Variants in MPP7 observed in about 807,000 individuals in gnomAD.
MPP7 encodes the protein MAGUK p55 scaffold protein 7, also known as MAGUK p55 subfamily member 7.
In MPP7, 60 loss-of-function variants were observed where a neutral mutation model predicts 76.5. That is an observed-to-expected ratio of 0.78 (90% CI 0.64 to 0.97). The LOEUF (loss-of-function observed/expected upper bound fraction) is 0.97, where lower values mean the gene tolerates loss of function less well. Ranked by LOEUF, MPP7 falls within the 50% of genes least tolerant of loss-of-function variation. MPP7 has a pLI of 0.00. For missense variants in MPP7, 641 were observed against 694.0 expected (o/e 0.92, Z 0.86); for synonymous variants, 237 against 244.5 (o/e 0.97, Z 0.29).
chr10:28,276,676 G>A (rs558130703), intron 1 of MPP7, among the ~76,000 whole-genome samples: 6 of 152,214 alleles, frequency 3.9e-5, no homozygotes, highest in Admixed American at 2.6e-4. Flanking sequence ...TCATGCACAC[G>A]TAGGTTTGAT....
At chr10:28,109,816 A>G (rs1016967883) in intron 11 of MPP7, among the ~76,000 whole-genome samples, 2 of 143,622 alleles carry the variant, frequency 1.4e-5, no homozygotes, top group Non-Finnish European at 3.1e-5. Flanking sequence ...CCAAGAAATA[A>G]AGCAGAACAG....
At chr10:28,058,873 CCT>C (rs1270161252) in intron 14 of MPP7, among the ~76,000 whole-genome samples, 1 of 152,130 alleles carries the variant, frequency 6.6e-6, no homozygotes, top group African/African-American at 2.4e-5. Flanking sequence ...TCCATCACCC[CCT>C]TTTTCTTCAG....
intron 1 of MPP7, among the ~76,000 whole-genome samples, chr10:28,282,569 C>A (rs1840702823): frequency 6.6e-6 from 1 of 151,946 alleles, no homozygotes; most frequent in South Asian, 2.1e-4. Flanking sequence ...GAAACCAAGA[C>A]AATGGGCAAA....
intron 5 of MPP7, among the ~76,000 whole-genome samples, chr10:28,136,992 G>A (rs1416275359): frequency 6.6e-6 from 1 of 152,036 alleles, no homozygotes; most frequent in African/African-American, 2.4e-5. Flanking sequence ...AAACCCACAT[G>A]TTCAAGAAGC....
chr10:28,140,251 C>A (rs1194572665), intron 5 of MPP7, among the ~76,000 whole-genome samples: 2 of 152,214 alleles, frequency 1.3e-5, no homozygotes, highest in East Asian at 3.9e-4. Context: ...TGGCTACCGC[C>A]TATAATCCTA....
At chr10:28,084,253 G>A (rs1852900490) in intron 12 of MPP7, among the ~76,000 whole-genome samples, 1 of 152,128 alleles carries the variant, frequency 6.6e-6, no homozygotes, top group Non-Finnish European at 1.5e-5. Context: ...AAGAAAAGTA[G>A]AAAATCAAAA....
chr10:28,330,182 C>A (rs557516684), intron 1 of MPP7, among the ~76,000 whole-genome samples: 4 of 152,284 alleles, frequency 2.6e-5, no homozygotes, highest in Admixed American at 2.6e-4. Context: ...TTCCTTTCAA[C>A]GACAACTATA....
intron 11 of MPP7, among the ~76,000 whole-genome samples, chr10:28,114,101 G>T (rs979963295): frequency 1.3e-5 from 2 of 152,152 alleles, no homozygotes; most frequent in African/African-American, 4.8e-5. Context: ...CAAAGGGGAG[G>T]CCAAGAAGAT....
exon 1 of MPP7, chr10:28,334,440 C>A (rs771556483): frequency 1.3e-5 from 2 of 152,128 alleles, no homozygotes; most frequent in Non-Finnish European, 2.9e-5. Flanking sequence ...CAATTGCATC[C>A]AGGATGAGAT....
intron 12 of MPP7, among the ~76,000 whole-genome samples, chr10:28,071,589 C>T (rs543433827): frequency 2.2e-4 from 34 of 152,162 alleles, no homozygotes; most frequent in African/African-American, 8.2e-4. Flanking sequence ...TATAACTTAT[C>T]GACATAATTC....
Position 28,125,201 on chromosome 10 carries a change from G to A in MPP7, c.448-110C>T, listed in dbSNP as rs7068102. On this transcript the variant is annotated intron_variant, in intron 6 of 16. Coordinates refer to ENST00000683449, the MANE Select transcript of MPP7 (RefSeq NM_001318170.2). ...AAAAAGAGAAAACAACTACAAAAACGAAAAAAAAGAAATGAGGCAGGAAAA... is the reference window on the plus strand; with the variant it reads ...AAAAAGAGAAAACAACTACAAAAACAAAAAAAAAGAAATGAGGCAGGAAAA... 7,425 of 845,030 alleles carry A rather than the reference G, an allele frequency of 8.8e-3. 340 individuals are homozygous for A. The African/African-American group carries it at 0.1, about 12-fold the overall frequency. 52.3% of individuals were successfully genotyped at this position (845,030 alleles called of 1,614,324 possible).
At chr10:28,098,441 G>T (rs1243121147) in intron 11 of MPP7, among the ~76,000 whole-genome samples, 1 of 151,784 alleles carries the variant, frequency 6.6e-6, no homozygotes, top group Non-Finnish European at 1.5e-5. Flanking sequence ...CAATGGTTGT[G>T]TTAGGTAGAG....
Position 28,119,735 on chromosome 10 carries a change from C to A in MPP7, c.888-20G>T. 1 of 1,604,266 alleles carries A rather than the reference C, an allele frequency of 6.2e-7. No individual in the cohort carries two copies. ...AATCTCCTGGGAGAAAGAAGGTCAA[C>A]ATACCTATCAATTTTCAGCACAGGT... On this transcript the variant is annotated intron_variant, in intron 10 of 16. Transcript: ENST00000683449.
chr10:28,101,860 A>G (rs552298313), intron 11 of MPP7, among the ~76,000 whole-genome samples: 1 of 152,318 alleles, frequency 6.6e-6, no homozygotes, highest in South Asian at 2.1e-4. Context: ...AGAAGCAATT[A>G]TACTTTGGAA....
At chr10:28,109,648 C>A (rs1254980425) in intron 11 of MPP7, among the ~76,000 whole-genome samples, 1 of 151,638 alleles carries the variant, frequency 6.6e-6, no homozygotes, top group African/African-American at 2.4e-5. Flanking sequence ...AGTGCAAATG[C>A]GCTCATTTCA....
intron 3 of MPP7, among the ~76,000 whole-genome samples, chr10:28,168,160 A>G (rs2133855132): frequency 6.6e-6 from 1 of 152,160 alleles, no homozygotes; most frequent in East Asian, 1.9e-4. Context: ...GCTTGAACTC[A>G]GTAGGCGGAG....
intron 1 of MPP7, among the ~76,000 whole-genome samples, chr10:28,264,193 G>C (rs1199577886): frequency 1.3e-5 from 2 of 152,060 alleles, no homozygotes. Context: ...CAGCTACTTG[G>C]GAGGCTGAGG....
chr10:28,219,004 T>C (rs1007785741), intron 2 of MPP7, among the ~76,000 whole-genome samples: 4 of 152,326 alleles, frequency 2.6e-5, no homozygotes, highest in Non-Finnish European at 5.9e-5. Context: ...TCTAGATCTA[T>C]TGATCTAACT....
At chr10:28,092,018 G>A (rs1280212464) in intron 11 of MPP7, among the ~76,000 whole-genome samples, 1 of 152,158 alleles carries the variant, frequency 6.6e-6, no homozygotes, top group Non-Finnish European at 1.5e-5. Flanking sequence ...ATGACTGCAT[G>A]AAGGAAATGA....
Sources: gnomAD v4.1 joint callset for allele counts (sites outside exome capture counted in the v4.1 genomes callset) on GRCh38, gnomAD v4.1.1 for gene constraint, MANE v1.5 for transcripts, NCBI Gene and HGNC (gene_info 2026-07-23, HGNC 2026-07-21) for gene names.